The following SCN8A variants were observed in gnomAD, a reference collection of about 807,000 sequenced individuals.
SCN8A encodes the protein sodium voltage-gated channel alpha subunit 8.
A neutral mutation model predicts 184.1 loss-of-function variants in SCN8A; 30 were observed. The ratio of observed to expected loss-of-function variants is 0.16; its 90% CI spans 0.12 to 0.22. The LOEUF is 0.22. SCN8A is among the 10% of genes least tolerant of loss of function. SCN8A has a pLI of 1.00. For missense variants in SCN8A, 1,057 were observed against 2,498.9 expected (o/e 0.42, Z 12.30); for synonymous variants, 852 against 907.0 (o/e 0.94, Z 1.09).
chr12:51,670,370 A>AT (rs1450021809), intron 2 of SCN8A, among the ~76,000 whole-genome samples: 3 of 152,196 alleles, frequency 2.0e-5, no homozygotes, highest in Non-Finnish European at 4.4e-5. Flanking sequence ...AATCTAGAAA[A>AT]TTAAGATTAT....
chr12:51,645,927 A>G (rs1940575221), intron 1 of SCN8A, among the ~76,000 whole-genome samples: 1 of 142,766 alleles, frequency 7.0e-6, no homozygotes, highest in African/African-American at 2.6e-5. Context: ...CCCCTCTGCG[A>G]GAAACACCCA....
At chr12:51,677,406 A>G (rs962025300) in intron 2 of SCN8A, among the ~76,000 whole-genome samples, 1 of 151,680 alleles carries the variant, frequency 6.6e-6, no homozygotes, top group South Asian at 2.1e-4. Flanking sequence ...TTTAATTTAC[A>G]CTTTTTGTGT....
At chr12:51,772,879 G>C (rs1052123337) in intron 19 of SCN8A, among the ~76,000 whole-genome samples, 10 of 151,958 alleles carry the variant, frequency 6.6e-5, no homozygotes, top group African/African-American at 2.4e-4. Flanking sequence ...CACTTTGGGA[G>C]GCTGAGGCGG....
chr12:51,685,565 C>G (rs1387384314), intron 3 of SCN8A, among the ~76,000 whole-genome samples: 3 of 152,160 alleles, frequency 2.0e-5, no homozygotes, highest in Non-Finnish European at 4.4e-5. Flanking sequence ...ATAAACATTC[C>G]TGGACACTTT....
At chr12:51,619,944 A>G (rs1255523196) in intron 1 of SCN8A, among the ~76,000 whole-genome samples, 3 of 152,194 alleles carry the variant, frequency 2.0e-5, no homozygotes, top group African/African-American at 7.2e-5. Context: ...GGGCAGGTGG[A>G]AGTTGTTATT....
At chr12:51,751,666 T>C in intron 14 of SCN8A, 73 bp downstream of exon 14, 2 of 1,138,348 alleles carry the variant, frequency 1.8e-6, no homozygotes, top group East Asian at 2.4e-5. Context: ...TTTCTGGTAC[T>C]GAAAGCTGGA....
intron 1 of SCN8A, among the ~76,000 whole-genome samples, chr12:51,607,684 T>C (rs1939625819): frequency 6.6e-6 from 1 of 152,216 alleles, no homozygotes; most frequent in African/African-American, 2.4e-5. Context: ...GTTGAGATGA[T>C]CATGTGATTT....
At chr12:51,610,064 G>T (rs184892964) in intron 1 of SCN8A, among the ~76,000 whole-genome samples, 1 of 151,484 alleles carries the variant, frequency 6.6e-6, no homozygotes. Context: ...CAGCTACTCC[G>T]GAGGCTGAGG....
At chr12:51,754,788 C>G (rs1225094229) in intron 14 of SCN8A, among the ~76,000 whole-genome samples, 1 of 152,128 alleles carries the variant, frequency 6.6e-6, no homozygotes, top group African/African-American at 2.4e-5. Context: ...CTGATGCTTC[C>G]TTATGATTAG....
chr12:51,687,011 C>CT, intron 4 of SCN8A, 80 bp from the exon 5 acceptor site: 1 of 1,504,304 alleles, frequency 6.6e-7, no homozygotes, highest in South Asian at 1.1e-5. Flanking sequence ...TGAAGCAACA[C>CT]TTCAGGCAAG....
intron 6 of SCN8A, among the ~76,000 whole-genome samples, chr12:51,691,377 A>T (rs1454317717): frequency 4.6e-5 from 7 of 151,940 alleles, no homozygotes; most frequent in African/African-American, 1.7e-4. Context: ...ATAACTCTTG[A>T]TTGGTGTCAC....
chr12:51,803,249 T>C (rs1028517273), intron 26 of SCN8A, among the ~76,000 whole-genome samples: 1 of 152,166 alleles, frequency 6.6e-6, no homozygotes, highest in Non-Finnish European at 1.5e-5. Flanking sequence ...TGGAGTCTGA[T>C]GTTCCAGGGC....
chr12:51,689,308 G>T, intron 6 of SCN8A: 1 of 536,328 alleles, frequency 1.9e-6, no homozygotes, highest in Non-Finnish European at 3.3e-6. Context: ...TTCCATCCAT[G>T]CTATTGAAAA....
rs184568764 is a variant in SCN8A, at chr12:51,794,389, G to A, written c.4543G>A (p.Val1515Ile). The A allele has an allele frequency of 2.6e-4, 426 of 1,611,004 alleles. No individual in the cohort carries two copies. The highest frequency in any genetic ancestry group is 3.7e-5 in the Non-Finnish European group (43 of 1,177,602). Residue 1515 changes from valine (V) to isoleucine (I), a missense_variant, in exon 26 of 27, where the codon GTC becomes ATC. This residue lies in a region of SCN8A where 37 missense variants were observed against 216.1 expected (regional missense o/e 0.17). Transcript: ENST00000627620. ...PRPLNKIQGI[V>I]FDFVTQQAFD... ...TCCCCAGAACAAAATCCAAGGAATC[G>A]TCTTTGATTTTGTCACTCAGCAAGC...
chr12:51,802,183 G>A (rs1938573675), intron 26 of SCN8A, among the ~76,000 whole-genome samples: 1 of 152,200 alleles, frequency 6.6e-6, no homozygotes, highest in Admixed American at 6.5e-5. Flanking sequence ...CAGGGGTGTT[G>A]GGGGTGGGTT....
chr12:51,673,896 G>A lies in SCN8A; in HGVS notation c.277-10278G>A, dbSNP rs375794433. On this transcript the variant is annotated intron_variant, in intron 2 of 26. Transcript: ENST00000627620. ...CAATTCTATTGAAGAGAGTTGAATG[G>A]GGCTGTCTTCATAGAGGATGTGATC... Among the ~76,000 whole-genome samples the A allele has an allele frequency of 9.9e-5, 15 of 152,222 alleles. No homozygotes were observed. In the South Asian group the frequency reaches 1.7e-3, roughly 17 times the overall value.
At chr12:51,708,542 CA>C (rs1290499960) in intron 11 of SCN8A, among the ~76,000 whole-genome samples, 2 of 152,074 alleles carry the variant, frequency 1.3e-5, no homozygotes, top group African/African-American at 2.4e-5. Context: ...GCAGTATATC[CA>C]GTGTCTTTTC....
Position 51,654,651 on chromosome 12 carries a change from G to A in SCN8A, c.-54-8113G>A, listed in dbSNP as rs189993413. Among the ~76,000 whole-genome samples, 351 of 151,984 alleles carry A rather than the reference G, an allele frequency of 2.3e-3. 2 individuals are homozygous for A. The highest frequency in any genetic ancestry group is 3.0e-3 in the Non-Finnish European group (207 of 67,962). On this transcript the variant is annotated intron_variant, in intron 1 of 26. Coordinates refer to ENST00000627620, the MANE Select transcript of SCN8A (RefSeq NM_001330260.2). ...GTCCTCCAACTTTGTTTTTTTTCAA[G>A]TATGAGACAAGATCTTTTTAATTTT...
intron 11 of SCN8A, among the ~76,000 whole-genome samples, chr12:51,717,085 C>T (rs1477100238): frequency 1.3e-5 from 2 of 152,186 alleles, no homozygotes; most frequent in Non-Finnish European, 1.5e-5. Context: ...CTTTCCCCCT[C>T]ACTCCTTCTG....
Sources: gnomAD v4.1 joint callset for allele counts (sites outside exome capture counted in the v4.1 genomes callset) on GRCh38, gnomAD v4.1.1 for gene constraint, gnomAD v4.1.1 regional missense constraint, MANE v1.5 for transcripts, NCBI Gene and HGNC (gene_info 2026-07-23, HGNC 2026-07-21) for gene names.